The following STAG1 variants were observed in gnomAD, a reference collection of about 807,000 sequenced individuals.
STAG1 encodes STAG1 cohesin complex component.
A neutral mutation model predicts 170.9 loss-of-function variants in STAG1; 26 were observed. The observed-to-expected ratio is 0.15, with a 90% CI of 0.11 to 0.21. STAG1 has a LOEUF of 0.21. STAG1 is among the 10% of genes least tolerant of loss of function. The probability of loss-of-function intolerance (pLI) is 1.00; values close to 1 mark genes in which losing one functional copy is unlikely to be tolerated. For synonymous variants in STAG1, 514 were observed against 497.7 expected, an observed-to-expected ratio of 1.03 and a Z score of -0.44; for missense variants, 964 against 1,509.5, an observed-to-expected ratio of 0.64 and a Z score of 5.99.
chr3:136,587,673 G>T (rs917803204), intron 4 of STAG1, among the ~76,000 whole-genome samples: 2 of 151,582 alleles, frequency 1.3e-5, no homozygotes, highest in African/African-American at 4.9e-5. Flanking sequence ...AAATTAGCCA[G>T]GCCAGGCATG....
chr3:136,641,060 A>C (rs1940780253), intron 1 of STAG1, among the ~76,000 whole-genome samples: 1 of 152,256 alleles, frequency 6.6e-6, no homozygotes, highest in African/African-American at 2.4e-5. Flanking sequence ...CATGGTTTTC[A>C]TATAAATATG....
At chr3:136,747,049 T>C (rs1474644741) in intron 1 of STAG1, among the ~76,000 whole-genome samples, 1 of 136,270 alleles carries the variant, frequency 7.3e-6, no homozygotes. Context: ...TGAGCCGAGA[T>C]TGCACCACTG....
At chr3:136,436,501 C>G (rs938093552) in intron 15 of STAG1, among the ~76,000 whole-genome samples, 2 of 152,050 alleles carry the variant, frequency 1.3e-5, no homozygotes, top group African/African-American at 4.8e-5. Flanking sequence ...TGGCTGGTCT[C>G]GAACTCCTGA....
intron 21 of STAG1, among the ~76,000 whole-genome samples, chr3:136,409,571 A>G (rs1459105639): frequency 2.0e-5 from 3 of 152,086 alleles, no homozygotes; most frequent in Non-Finnish European, 4.4e-5. Context: ...TCCTGGCCTG[A>G]AGTCATCCAC....
At chr3:136,459,720 T>C (rs1369530537) in intron 13 of STAG1, among the ~76,000 whole-genome samples, 5 of 152,192 alleles carry the variant, frequency 3.3e-5, no homozygotes, top group Admixed American at 1.3e-4. Flanking sequence ...GGAATGGAAA[T>C]TGTTCAAGTT....
intron 4 of STAG1, among the ~76,000 whole-genome samples, chr3:136,593,440 T>C (rs1024863489): frequency 6.6e-6 from 1 of 152,126 alleles, no homozygotes; most frequent in African/African-American, 2.4e-5. Flanking sequence ...AGACCTAGAG[T>C]TGGCTGCCTC....
intron 22 of STAG1, among the ~76,000 whole-genome samples, chr3:136,378,732 T>C (rs770591784): frequency 1.2e-4 from 18 of 152,208 alleles, no homozygotes; most frequent in Non-Finnish European, 1.9e-4. Flanking sequence ...CTTACTATTA[T>C]ATAGTTTAAC....
intron 10 of STAG1, among the ~76,000 whole-genome samples, chr3:136,474,115 A>C (rs1212723892): frequency 6.6e-6 from 1 of 152,210 alleles, no homozygotes; most frequent in Non-Finnish European, 1.5e-5. Flanking sequence ...ACAATGTTTA[A>C]AACAGAGGCA....
intron 15 of STAG1, among the ~76,000 whole-genome samples, chr3:136,436,804 T>C (rs957936728): frequency 5.3e-4 from 80 of 152,220 alleles, no homozygotes; most frequent in Admixed American, 9.8e-4. Context: ...CAACATCTTG[T>C]TCTTTATTCT....
intron 10 of STAG1, among the ~76,000 whole-genome samples, 166 bp from the exon 11 acceptor site, chr3:136,473,803 T>TAAAA (rs72041162): frequency 7.1e-6 from 1 of 141,002 alleles, no homozygotes. Flanking sequence ...CCCTTATATG[T>TAAAA]AAAAAAAAAA....
chr3:136,478,384 T>G (rs1385415255), intron 9 of STAG1, among the ~76,000 whole-genome samples: 1 of 152,214 alleles, frequency 6.6e-6, no homozygotes, highest in Non-Finnish European at 1.5e-5. Flanking sequence ...CTCTGTGAAT[T>G]GTAAACAAAT....
chr3:136,581,839 AAATT>A (rs1434511334), intron 4 of STAG1, among the ~76,000 whole-genome samples: 1 of 152,168 alleles, frequency 6.6e-6, no homozygotes, highest in East Asian at 1.9e-4. Context: ...ACAGTGGAAA[AAATT>A]AATCATTCCA....
intron 4 of STAG1, among the ~76,000 whole-genome samples, chr3:136,575,947 T>C (rs1032266326): frequency 2.0e-5 from 3 of 152,268 alleles, no homozygotes; most frequent in Admixed American, 6.5e-5. Flanking sequence ...AAAATAACTT[T>C]TGGTAGATAG....
intron 5 of STAG1, among the ~76,000 whole-genome samples, chr3:136,561,528 G>C (rs1936840039): frequency 6.6e-6 from 1 of 152,120 alleles, no homozygotes; most frequent in Non-Finnish European, 1.5e-5. Flanking sequence ...CTGGCTGTAG[G>C]ATAGTAATTT....
At chr3:136,691,422 G>C (rs567482232) in intron 1 of STAG1, among the ~76,000 whole-genome samples, 7 of 150,022 alleles carry the variant, frequency 4.7e-5, no homozygotes, top group Non-Finnish European at 1.5e-5. Context: ...GTGACAGAGC[G>C]AGACTCTCAA....
intron 10 of STAG1, among the ~76,000 whole-genome samples, chr3:136,475,138 CTTTTTTTTTTT>C (rs10686674): frequency 5.3e-5 from 4 of 76,002 alleles, no homozygotes; most frequent in Non-Finnish European, 7.0e-5. Context: ...TTATAGGTTC[CTTTTTTTTTTT>C]TTTTTTTTTT....
intron 22 of STAG1, among the ~76,000 whole-genome samples, chr3:136,386,590 TATACACACAAAAACAGAAGTATATAGA>T (rs1576415610): frequency 1.3e-5 from 2 of 152,160 alleles, no homozygotes; most frequent in East Asian, 3.9e-4. Context: ...GTTTAATACC[TATACACACAAAAACAGAAGTATATAGA>T]TTTTAAATGT....
chr3:136,722,225 G>GA (rs373075057), intron 1 of STAG1, among the ~76,000 whole-genome samples: 5 of 149,538 alleles, frequency 3.3e-5, no homozygotes, highest in East Asian at 3.9e-4. Context: ...CAAAAAAAAG[G>GA]AAAAAAAAAT....
At position 136,464,088 on chromosome 3, in the gene STAG1, T is replaced by C. The variant is rs138677817; in HGVS notation, c.1313+793A>G. Among the ~76,000 whole-genome samples the C allele has an allele frequency of 1.2e-3, 180 of 151,866 alleles. 1 individual carries two copies. The highest frequency in any genetic ancestry group is 4.0e-3 in the African/African-American group (165 of 41,454). On this transcript the variant is annotated intron_variant, in intron 13 of 33. Transcript: ENST00000383202. ...AAAAAAATTAAACTGCAACTATATA[T>C]ATATAAAACTTTCAGAATTACTATG... is the stretch of plus-strand genomic sequence containing the variant.
Sources: gnomAD v4.1 joint callset for allele counts (sites outside exome capture counted in the v4.1 genomes callset) on GRCh38, gnomAD v4.1.1 for gene constraint, MANE v1.5 for transcripts, NCBI Gene and HGNC (gene_info 2026-07-23, HGNC 2026-07-21) for gene names.